CSGALNACT1: variants seen among roughly 807,000 people sequenced by gnomAD.
CSGALNACT1 encodes the protein beta4GalNAcT-1.
CSGALNACT1 carries 52 observed loss-of-function variants against 51.0 expected under a neutral mutation model. That is an observed-to-expected ratio of 1.02 (90% CI 0.82 to 1.29). The LOEUF (loss-of-function observed/expected upper bound fraction) is 1.29, where lower values mean the gene tolerates loss of function less well. Ranked by LOEUF, CSGALNACT1 falls within the 50% of genes most tolerant of loss-of-function variation. CSGALNACT1 has a pLI of 0.00. For synonymous variants in CSGALNACT1, 341 were observed against 254.4 expected, an observed-to-expected ratio of 1.34 and a Z score of -3.24; for missense variants, 935 against 679.2, an observed-to-expected ratio of 1.38 and a Z score of -4.19.
At chr8:19,656,389 A>C (rs537708563) in intron 1 of CSGALNACT1, among the ~76,000 whole-genome samples, 1 of 152,326 alleles carries the variant, frequency 6.6e-6, no homozygotes, top group South Asian at 2.1e-4. Context: ...GCCAAAAAAA[A>C]TAATTTTAAG....
chr8:19,477,131 A>C (rs998330493), intron 4 of CSGALNACT1, among the ~76,000 whole-genome samples: 6 of 152,250 alleles, frequency 3.9e-5, no homozygotes, highest in Admixed American at 1.3e-4. Flanking sequence ...CAAGTTCACA[A>C]CATGTAAATA....
At chr8:19,650,163 T>G (rs114923472) in intron 1 of CSGALNACT1, among the ~76,000 whole-genome samples, 14 of 152,288 alleles carry the variant, frequency 9.2e-5, no homozygotes, top group African/African-American at 3.4e-4. Context: ...GTTGGAGAGA[T>G]GACATTTTGA....
chr8:19,518,208 T>C (rs981576394), intron 3 of CSGALNACT1, among the ~76,000 whole-genome samples: 1 of 152,168 alleles, frequency 6.6e-6, no homozygotes, highest in Non-Finnish European at 1.5e-5. Flanking sequence ...CAGTAAGGCT[T>C]TCTTTTAAAT....
At chr8:19,404,607 A>AATAT (rs3840719) in exon 10 of CSGALNACT1, 12,609 of 181,046 alleles carry the variant, frequency 0.07, 157 homozygotes, top group Middle Eastern at 0.081. Flanking sequence ...GATCTTTCAC[A>AATAT]ATATATATAT....
intron 1 of CSGALNACT1, among the ~76,000 whole-genome samples, chr8:19,737,105 A>T (rs1462161402): frequency 6.6e-6 from 1 of 152,228 alleles, no homozygotes; most frequent in Non-Finnish European, 1.5e-5. Flanking sequence ...AAGTACTGAA[A>T]GTTAATAACT....
chr8:19,419,436 AGACTT>A (rs1287004822), intron 7 of CSGALNACT1, among the ~76,000 whole-genome samples: 4 of 152,200 alleles, frequency 2.6e-5, no homozygotes, highest in Non-Finnish European at 4.4e-5. Flanking sequence ...CAGTTGGACT[AGACTT>A]AGAGTGTCCA....
intron 3 of CSGALNACT1, among the ~76,000 whole-genome samples, chr8:19,562,505 T>C (rs1407728741): frequency 1.4e-5 from 2 of 146,606 alleles, no homozygotes; most frequent in East Asian, 4.0e-4. Context: ...AAAACTACCA[T>C]CAGAGCAAAC....
Position 19,708,691 on chromosome 8 carries a change from C to T in CSGALNACT1, c.-297+49159G>A, listed in dbSNP as rs540225236. On this transcript the variant is annotated intron_variant, in intron 1 of 1. Transcript: ENST00000517494. Reference sequence around the variant, plus strand: ...CAGGAGATGGGGAAGACTTCCTCCTCATTACTGCTCCATCCTCTCCCCATT... The same window carrying T: ...CAGGAGATGGGGAAGACTTCCTCCTTATTACTGCTCCATCCTCTCCCCATT... 2.0e-5 allele frequency among the ~76,000 whole-genome samples: 3 copies of T among 152,326 alleles called. No individual in the cohort carries two copies. The South Asian group carries it at 6.2e-4, about 32-fold the overall frequency.
intron 2 of CSGALNACT1, among the ~76,000 whole-genome samples, chr8:19,596,926 G>A (rs1322740011): frequency 2.0e-5 from 3 of 152,114 alleles, no homozygotes; most frequent in African/African-American, 7.2e-5. Flanking sequence ...TTCATTCACT[G>A]TTATGCAACC....
Position 19,679,218 on chromosome 8 carries a change from C to T in CSGALNACT1, c.-544+3255G>A, listed in dbSNP as rs549629312. Reference sequence around the variant, plus strand: ...CTCTTATCCCAGCACTTTGGGAGGCCGAGTAACGTGGATCGCTTGAGCTCA... The same window carrying T: ...CTCTTATCCCAGCACTTTGGGAGGCTGAGTAACGTGGATCGCTTGAGCTCA... On this transcript the variant is annotated intron_variant, in intron 1 of 9. Coordinates refer to the CSGALNACT1 transcript ENST00000332246. Among the ~76,000 whole-genome samples the T allele has an allele frequency of 8.5e-5, 13 of 152,210 alleles. No individual in the cohort carries two copies. In the South Asian group the frequency reaches 1.9e-3, roughly 22 times the overall value.
intron 1 of CSGALNACT1, among the ~76,000 whole-genome samples, chr8:19,707,500 C>A (rs1369213096): frequency 1.3e-5 from 2 of 152,140 alleles, no homozygotes; most frequent in Non-Finnish European, 2.9e-5. Context: ...AAATCCTCTA[C>A]AATTTATCAT....
At chr8:19,506,178 C>T (rs1209097981) in intron 3 of CSGALNACT1, 48 bp from the exon 3 acceptor site, 1 of 502,674 alleles carries the variant, frequency 2.0e-6, no homozygotes, top group Non-Finnish European at 3.8e-6. Flanking sequence ...GACAACGACT[C>T]CCTCATGTTC....
At chr8:19,484,372 G>A (rs1216699970) in intron 4 of CSGALNACT1, among the ~76,000 whole-genome samples, 2 of 152,268 alleles carry the variant, frequency 1.3e-5, no homozygotes, top group East Asian at 3.9e-4. Context: ...TCCACTGGGG[G>A]TCTTGGAACA....
intron 5 of CSGALNACT1, 65 bp from the exon 5 acceptor site, chr8:19,439,996 A>G (rs1488753531): frequency 2.2e-6 from 3 of 1,350,806 alleles, no homozygotes; most frequent in African/African-American, 1.4e-5. Flanking sequence ...GCACAAACCA[A>G]TACCTTTTTG....
At chr8:19,459,779 G>A (rs948709780) in intron 4 of CSGALNACT1, among the ~76,000 whole-genome samples, 3 of 152,106 alleles carry the variant, frequency 2.0e-5, no homozygotes, top group Admixed American at 2.0e-4. Flanking sequence ...AACAGTACAA[G>A]GCATGCAATA....
intron 4 of CSGALNACT1, among the ~76,000 whole-genome samples, chr8:19,498,670 A>G (rs922034701): frequency 2.6e-5 from 4 of 152,192 alleles, no homozygotes; most frequent in Non-Finnish European, 5.9e-5. Context: ...CAACGCAGCC[A>G]GAACCCCTCT....
intron 3 of CSGALNACT1, among the ~76,000 whole-genome samples, chr8:19,565,016 C>G (rs959529456): frequency 6.6e-6 from 1 of 152,184 alleles, no homozygotes; most frequent in Non-Finnish European, 1.5e-5. Flanking sequence ...AAAAGGACCT[C>G]AATGAATCCA....
intron 3 of CSGALNACT1, among the ~76,000 whole-genome samples, chr8:19,529,097 C>T (rs373323728): frequency 4.6e-5 from 7 of 152,110 alleles, no homozygotes; most frequent in African/African-American, 1.2e-4. Context: ...TCAGATGCTG[C>T]CGAGAAATCA....
intron 3 of CSGALNACT1, among the ~76,000 whole-genome samples, chr8:19,566,858 C>T (rs2042005443): frequency 6.6e-6 from 1 of 152,186 alleles, no homozygotes; most frequent in Non-Finnish European, 1.5e-5. Flanking sequence ...TTGATGAGTA[C>T]TTACAGCCAA....
Sources: allele counts gnomAD v4.1 joint callset (sites outside exome capture counted in the v4.1 genomes callset), GRCh38; gene constraint gnomAD v4.1.1; transcripts MANE v1.5; gene names NCBI Gene and HGNC (gene_info 2026-07-23, HGNC 2026-07-21).